Variants in FAN1 observed in about 807,000 individuals in gnomAD.
The protein encoded by FAN1 is FANCD2 and FANCI associated nuclease 1, also known as fanconi-associated nuclease 1.
A neutral mutation model predicts 104.9 loss-of-function variants in FAN1; 91 were observed. The ratio of observed to expected loss-of-function variants is 0.87; its 90% CI spans 0.73 to 1.03. FAN1 has a LOEUF of 1.03. FAN1 is among the 50% of genes least tolerant of loss of function. FAN1 has a pLI of 0.00. For missense variants in FAN1, 1,263 were observed against 1,239.9 expected (o/e 1.02, Z -0.28); for synonymous variants, 478 against 457.6 (o/e 1.04, Z -0.57).
Position 30,937,238 on chromosome 15 carries a change from G to C in FAN1, c.3036G>C (p.Lys1012Asn), listed in dbSNP as rs1397361860. Residue 1012 changes from lysine (K) to asparagine (N), a missense_variant, in exon 14 of 15, where the codon AAG becomes AAC. Coordinates refer to ENST00000362065, the MANE Select transcript of FAN1 (RefSeq NM_014967.5). ...GCCATGTGGTTGCAGTTGGAGCTAA[G>C]AGCCAAAGCCTTAGCTAAAAGGTAT... ...EVCHVVAVGA[K>N]SQSLS 9 of 1,613,722 alleles carry C rather than the reference G, an allele frequency of 5.6e-6. No individual in the cohort carries two copies. The highest frequency in any genetic ancestry group is 5.9e-6 in the Non-Finnish European group (7 of 1,179,910).
chr15:30,938,776 G>A (rs1432518302), intron 14 of FAN1, among the ~76,000 whole-genome samples: 1 of 152,082 alleles, frequency 6.6e-6, no homozygotes, highest in African/African-American at 2.4e-5. Flanking sequence ...TTTAACTTTA[G>A]CCACTTCCGA....
At chr15:30,907,467 G>A (rs1006379007) in intron 2 of FAN1, among the ~76,000 whole-genome samples, 1 of 151,940 alleles carries the variant, frequency 6.6e-6, no homozygotes, top group Non-Finnish European at 1.5e-5. Flanking sequence ...TCAGTGAGCC[G>A]AGACTGCACC....
chr15:30,904,199 C>T (rs1405579427), intron 1 of FAN1, among the ~76,000 whole-genome samples, 188 bp downstream of exon 1: 1 of 152,194 alleles, frequency 6.6e-6, no homozygotes, highest in Admixed American at 6.5e-5. Context: ...GTCTCCATCT[C>T]ACTCAGAAAA....
At chr15:30,908,017 A>G in intron 2 of FAN1, 101 bp from the exon 3 acceptor site, 1 of 939,194 alleles carries the variant, frequency 1.1e-6, no homozygotes, top group Non-Finnish European at 1.5e-6. Context: ...GGCCTTATAC[A>G]TACAGTAAGC....
In FAN1 at chr15:30,922,220, T is replaced by C. The variant is rs1179772520; in HGVS notation, c.2053-15T>C. 4.3e-5 allele frequency: 69 copies of C among 1,596,452 alleles called. No homozygotes were observed. The highest frequency in any genetic ancestry group is 3.4e-4 in the Admixed American group (19 of 55,614). ...TTGTGAATCTAATGAGGTTTCTTTG[T>C]TATTGTTGCAATAGGAAGCCGTCAG... is the stretch of plus-strand genomic sequence containing the variant. On this transcript the variant is annotated splice_polypyrimidine_tract_variant and intron_variant, in intron 7 of 14. Transcript: ENST00000362065.
chr15:30,908,028 A>T, intron 2 of FAN1, 90 bp from the exon 3 acceptor site: 1 of 1,051,336 alleles, frequency 9.5e-7, no homozygotes, highest in Non-Finnish European at 1.4e-6. Context: ...TACAGTAAGC[A>T]TATGTGTATT....
Position 30,905,669 on chromosome 15 carries a change from A to AT in FAN1, c.1007dup (p.Gln337ProfsTer8). 43 of 1,614,174 alleles carry AT rather than the reference A, an allele frequency of 2.7e-5. No homozygotes were observed. The highest frequency in any genetic ancestry group is 3.6e-5 in the Non-Finnish European group (43 of 1,180,002). The stretch of plus-strand genomic sequence containing the variant: ...AGATGATGCTTCTGCATGGAGTAAC[A>AT]TCCAAGAGGCTCCTCTGCAGGATGA... On this transcript the variant is annotated frameshift_variant, in exon 2 of 15. Transcript: ENST00000362065. LOFTEE classifies it high-confidence loss of function.
intron 10 of FAN1, chr15:30,927,303 A>G: frequency 1.0e-6 from 1 of 985,510 alleles, no homozygotes; most frequent in Non-Finnish European, 1.2e-6. Context: ...CTGACTGGAA[A>G]TCAGGTCCTA....
At chr15:30,917,839 A>G (rs2062226464) in intron 5 of FAN1, among the ~76,000 whole-genome samples, 2 of 152,230 alleles carry the variant, frequency 1.3e-5, no homozygotes, top group African/African-American at 4.8e-5. Flanking sequence ...TTGCTGTCAT[A>G]TTGTTGAATG....
intron 4 of FAN1, chr15:30,911,634 G>A: frequency 1.1e-6 from 1 of 927,266 alleles, no homozygotes; most frequent in Non-Finnish European, 1.3e-6. Context: ...GTAATTAATT[G>A]ACTTGAGAAG....
chr15:30,925,730 G>A (rs1481431634), intron 9 of FAN1, 59 bp from the exon 10 acceptor site: 3 of 1,593,956 alleles, frequency 1.9e-6, no homozygotes, highest in Middle Eastern at 1.7e-4. Context: ...GCTACAGGCA[G>A]GTTTTCAGGG....
chr15:30,935,569 T>C (rs1360264023), intron 13 of FAN1, among the ~76,000 whole-genome samples: 1 of 151,984 alleles, frequency 6.6e-6, no homozygotes, highest in Non-Finnish European at 1.5e-5. Flanking sequence ...TATGAGAAGA[T>C]GTGCTAGAAT....
chr15:30,919,130 C>T (rs1595848134), intron 6 of FAN1, among the ~76,000 whole-genome samples: 1 of 152,154 alleles, frequency 6.6e-6, no homozygotes, highest in East Asian at 1.9e-4. Context: ...CCTGTAATCC[C>T]GGCACTTTGG....
chr15:30,942,120 A>C lies in FAN1; in HGVS notation c.*558A>C. 2 of 1,554,840 alleles carry C rather than the reference A, an allele frequency of 1.3e-6. No homozygotes were observed. Among genetic ancestry groups the C allele is most frequent in the Non-Finnish European group, 1.7e-6 (2 of 1,149,516 alleles). On this transcript the variant is annotated 3_prime_UTR_variant, in exon 15 of 15. Coordinates refer to ENST00000362065, the MANE Select transcript of FAN1 (RefSeq NM_014967.5). ...TGTTCCGGGGATTCCCTTTTTAGAA[A>C]GATTGAAGGATGCAATGGCAAATAT...
At chr15:30,904,194 C>T (rs2061914243) in intron 1 of FAN1, among the ~76,000 whole-genome samples, 183 bp downstream of exon 1, 1 of 152,184 alleles carries the variant, frequency 6.6e-6, no homozygotes, top group African/African-American at 2.4e-5. Context: ...TGATCGTCTC[C>T]ATCTCACTCA....
intron 4 of FAN1, chr15:30,911,172 T>C (rs1019711393): frequency 4.4e-5 from 45 of 1,020,928 alleles, no homozygotes; most frequent in Non-Finnish European, 4.9e-5. Context: ...CTAAACAAAG[T>C]ATAATCAGGC....
In FAN1 at chr15:30,920,601, C is replaced by T; in HGVS notation, c.2000C>T (p.Thr667Ile). The change falls in exon 7 of 15, where the codon ACA becomes ATA. Residue 667 changes from threonine (T) to isoleucine (I), a missense_variant. Around this residue, in one of 2 missense-constraint regions of FAN1, gnomAD observed 581 missense variants for 668.8 expected, o/e 0.87. Transcript: ENST00000362065. The part of the protein sequence containing the change: ...LRCFTVGWIY[T>I]RILSRFVEIL... ...TGTTTCACTGTTGGGTGGATTTATA[C>T]AAGGATTTTGTCTCGGTTTGTGGAA... 1.9e-6 allele frequency: 3 copies of T among 1,611,812 alleles called. No individual in the cohort carries two copies. The African/African-American group carries it at 4.0e-5, about 22-fold the overall frequency.
At chr15:30,928,041 G>A in intron 10 of FAN1, 2 of 990,988 alleles carry the variant, frequency 2.0e-6, no homozygotes, top group Non-Finnish European at 2.4e-6. Context: ...TACCCAGGGG[G>A]ATGAGGTGCA....
intron 10 of FAN1, chr15:30,927,314 G>T: frequency 2.0e-6 from 2 of 985,512 alleles, no homozygotes; most frequent in South Asian, 9.4e-5. Context: ...TCAGGTCCTA[G>T]CTCCACTCCT....
Sources: gnomAD v4.1 joint callset for allele counts (sites outside exome capture counted in the v4.1 genomes callset) on GRCh38, gnomAD v4.1.1 for gene constraint, gnomAD v4.1.1 regional missense constraint, MANE v1.5 for transcripts, NCBI Gene and HGNC (gene_info 2026-07-23, HGNC 2026-07-21) for gene names.